Variants in RAB8B observed in about 807,000 individuals in gnomAD.
RAB8B encodes the protein RAB8B, member RAS oncogene family.
In RAB8B, 11 loss-of-function variants were observed where a neutral mutation model predicts 32.0. The ratio of observed to expected loss-of-function variants is 0.34; its 90% confidence interval spans 0.22 to 0.57. The LOEUF (loss-of-function observed/expected upper bound fraction) is 0.57, where lower values mean the gene tolerates loss of function less well. RAB8B is among the 20% of genes least tolerant of loss of function. The pLI is 0.86. For synonymous variants in RAB8B, 103 were observed against 89.6 expected (o/e 1.15, Z -0.85); for missense variants, 190 against 258.5 (o/e 0.73, Z 1.82).
At chr15:63,213,119 CT>C (rs2037761442) in intron 1 of RAB8B, among the ~76,000 whole-genome samples, 1 of 152,148 alleles carries the variant, frequency 6.6e-6, no homozygotes, top group Non-Finnish European at 1.5e-5. Flanking sequence ...TGACTATTCT[CT>C]TTTCAGAACT....
chr15:63,257,815 C>G (rs1357399721), intron 5 of RAB8B, among the ~76,000 whole-genome samples: 1 of 151,632 alleles, frequency 6.6e-6, no homozygotes, highest in Non-Finnish European at 1.5e-5. Flanking sequence ...CATCCCAGCA[C>G]TTTGGGAGGC....
At chr15:63,233,175 T>TCAGCCTC (rs1567016170) in intron 1 of RAB8B, among the ~76,000 whole-genome samples, 1 of 151,922 alleles carries the variant, frequency 6.6e-6, no homozygotes, top group Non-Finnish European at 1.5e-5. Context: ...TCCGCTCACT[T>TCAGCCTC]CAGCCTCCCA....
At chr15:63,239,695 A>T (rs2038015992) in intron 1 of RAB8B, among the ~76,000 whole-genome samples, 1 of 152,160 alleles carries the variant, frequency 6.6e-6, no homozygotes, top group East Asian at 1.9e-4. Flanking sequence ...GGCGTGAGCC[A>T]CCGCACCTGG....
At chr15:63,198,761 A>C (rs1336004205) in intron 1 of RAB8B, among the ~76,000 whole-genome samples, 1 of 152,218 alleles carries the variant, frequency 6.6e-6, no homozygotes, top group East Asian at 1.9e-4. Flanking sequence ...GTCAAGTTTT[A>C]ATGTGAAGTA....
intron 1 of RAB8B, among the ~76,000 whole-genome samples, chr15:63,222,645 C>T (rs2037854204): frequency 6.6e-6 from 1 of 152,190 alleles, no homozygotes; most frequent in Admixed American, 6.5e-5. Context: ...GCAAGCAATT[C>T]TCCTGCCTCA....
At chr15:63,235,200 C>G (rs1039577625) in intron 1 of RAB8B, among the ~76,000 whole-genome samples, 6 of 152,000 alleles carry the variant, frequency 3.9e-5, no homozygotes, top group Non-Finnish European at 7.4e-5. Context: ...CCATACCATC[C>G]TTGTTCGATA....
intron 5 of RAB8B, among the ~76,000 whole-genome samples, chr15:63,257,803 G>A (rs1160865512): frequency 7.9e-5 from 12 of 151,596 alleles, no homozygotes; most frequent in Non-Finnish European, 2.9e-5. Context: ...GCTCATACCT[G>A]TCATCCCAGC....
chr15:63,221,946 T>TA (rs997326029), intron 1 of RAB8B, among the ~76,000 whole-genome samples: 2 of 152,206 alleles, frequency 1.3e-5, no homozygotes, highest in Admixed American at 1.3e-4. Context: ...AACAGTCACA[T>TA]ATTTGATTAT....
At chr15:63,240,853 G>A (rs945654543) in intron 1 of RAB8B, among the ~76,000 whole-genome samples, 9 of 148,730 alleles carry the variant, frequency 6.1e-5, no homozygotes, top group African/African-American at 2.2e-4. Context: ...TTTTTGAAGT[G>A]TTTTAAATGA....
intron 3 of RAB8B, among the ~76,000 whole-genome samples, chr15:63,251,070 A>T (rs986411283): frequency 8.6e-5 from 13 of 152,030 alleles, no homozygotes; most frequent in Middle Eastern, 3.4e-3. Context: ...AAGATTAGGG[A>T]TTCCTTTTTA....
intron 1 of RAB8B, among the ~76,000 whole-genome samples, chr15:63,233,803 G>GT (rs566520990): frequency 1.7e-4 from 25 of 150,836 alleles, no homozygotes; most frequent in Non-Finnish European, 2.1e-4. Context: ...ACAAAGTCCT[G>GT]TTTTTTTTTC....
At position 63,259,840 on chromosome 15, in the gene RAB8B, A is replaced by ATTT; in HGVS notation, c.480+159_480+161dup. On this transcript the variant is annotated intron_variant, in intron 6 of 7. Transcript: ENST00000321437. The surrounding 1 kb of genome is among the most constrained non-coding windows in gnomAD (Gnocchi z 4.4). ...TACTTTGTACACTTTTGTGCTTCTGATTTTTTTTTTTTTGAGATGGAGTCT... is the reference window on the plus strand; with the variant it reads ...TACTTTGTACACTTTTGTGCTTCTGATTTTTTTTTTTTTTTTGAGATGGAGTCT... The ATTT allele has an allele frequency of 1.3e-5, 7 of 534,630 alleles. No individual in the cohort carries two copies. The highest frequency in any genetic ancestry group is 3.6e-5 in the Admixed American group (1 of 27,812). 33.1% of individuals were successfully genotyped at this position (534,630 alleles called of 1,614,324 possible).
chr15:63,250,469 A>G (rs2038108911), intron 3 of RAB8B, among the ~76,000 whole-genome samples: 1 of 152,156 alleles, frequency 6.6e-6, no homozygotes, highest in South Asian at 2.1e-4. Flanking sequence ...GCTGGCCGGA[A>G]AGAATCTGGT....
At chr15:63,203,716 A>G (rs2141111267) in intron 1 of RAB8B, among the ~76,000 whole-genome samples, 1 of 152,342 alleles carries the variant, frequency 6.6e-6, no homozygotes, top group Admixed American at 6.5e-5. Context: ...GTGTTCCGTT[A>G]TCCCTATTTT....
At chr15:63,200,765 C>T (rs534596003) in intron 1 of RAB8B, among the ~76,000 whole-genome samples, 27 of 152,244 alleles carry the variant, frequency 1.8e-4, no homozygotes, top group African/African-American at 5.8e-4. Context: ...CTAGAGGCAT[C>T]GGGGTTGCCC....
intron 1 of RAB8B, among the ~76,000 whole-genome samples, chr15:63,238,417 GT>G (rs1324696544): frequency 6.6e-6 from 1 of 152,096 alleles, no homozygotes; most frequent in Non-Finnish European, 1.5e-5. Flanking sequence ...CAGAGATGTT[GT>G]GGCAGCTACT....
chr15:63,207,394 C>A (rs1438860099), intron 1 of RAB8B, among the ~76,000 whole-genome samples: 1 of 152,162 alleles, frequency 6.6e-6, no homozygotes, highest in East Asian at 1.9e-4. Flanking sequence ...CCCGGCCTCT[C>A]TCAGACTCCT....
At chr15:63,241,366 AATT>A (rs2038030670) in intron 1 of RAB8B, among the ~76,000 whole-genome samples, 1 of 152,222 alleles carries the variant, frequency 6.6e-6, no homozygotes, top group Non-Finnish European at 1.5e-5. Context: ...TAAGTGAATG[AATT>A]ATTAAGTGGT....
At chr15:63,224,628 A>G (rs556141888) in intron 1 of RAB8B, among the ~76,000 whole-genome samples, 1 of 152,286 alleles carries the variant, frequency 6.6e-6, no homozygotes, top group South Asian at 2.1e-4. Flanking sequence ...ATTAATCTAG[A>G]AATAAGGATT....
Sources: gnomAD v4.1 joint callset for allele counts (sites outside exome capture counted in the v4.1 genomes callset) on GRCh38, gnomAD v4.1.1 for gene constraint, Gnocchi (gnomAD v3.1) non-coding constraint, MANE v1.5 for transcripts, NCBI Gene and HGNC (gene_info 2026-07-23, HGNC 2026-07-21) for gene names.